Variants in PCDHA1 observed in about 807,000 individuals in gnomAD.
PCDHA1 encodes the protein protocadherin alpha 1.
A neutral mutation model predicts 61.3 loss-of-function variants in PCDHA1; 42 were observed. The ratio of observed to expected loss-of-function variants is 0.69; its 90% CI spans 0.54 to 0.89. PCDHA1 has a LOEUF of 0.89. PCDHA1 is among the 40% of genes least tolerant of loss of function. The pLI is 0.00. For synonymous variants in PCDHA1, 610 were observed against 553.8 expected, an observed-to-expected ratio of 1.10 and a Z score of -1.43; for missense variants, 1,256 against 1,235.3, an observed-to-expected ratio of 1.02 and a Z score of -0.25.
intron 1 of PCDHA1, chr5:140,863,340 G>T: frequency 7.4e-7 from 1 of 1,360,462 alleles, no homozygotes. Flanking sequence ...TCACGTTGCT[G>T]CTGTACACGA....
Position 140,835,629 on chromosome 5 carries a change from G to GA in PCDHA1, c.2394+46946dup, listed in dbSNP as rs2150239945. The GA allele has an allele frequency of 2.5e-6, 4 of 1,613,910 alleles. No homozygotes were observed. The East Asian group carries it at 6.7e-5, about 27-fold the overall frequency. ...GGTGCTGGACAGCGCTCTGGACCGC[G>GA]AGAGTGTGTCCGCCTATGAGCTGGT... is the stretch of plus-strand genomic sequence containing the variant. On this transcript the variant is annotated intron_variant, in intron 1 of 3. Transcript: ENST00000504120.
intron 3 of PCDHA1, 42 bp from the exon 4 acceptor site, chr5:141,009,585 T>C: frequency 6.3e-7 from 1 of 1,592,908 alleles, no homozygotes; most frequent in Non-Finnish European, 8.6e-7. Flanking sequence ...ATCAAGAGCA[T>C]GTGTTGACCC....
At chr5:140,870,929 A>C in intron 1 of PCDHA1, 3 of 1,613,868 alleles carry the variant, frequency 1.9e-6, no homozygotes, top group Non-Finnish European at 2.5e-6. Context: ...CTTTCATATG[A>C]ATTGCAGCCG....
intron 1 of PCDHA1, among the ~76,000 whole-genome samples, chr5:140,918,655 T>C (rs1248144760): frequency 6.6e-6 from 1 of 152,218 alleles, no homozygotes; most frequent in Non-Finnish European, 1.5e-5. Context: ...CTAATTCTCA[T>C]GTTGATGGTA....
At chr5:140,850,501 T>C (rs2150486644) in intron 1 of PCDHA1, 1 of 1,598,068 alleles carries the variant, frequency 6.3e-7, no homozygotes, top group African/African-American at 1.3e-5. Context: ...CTGGTGTCGC[T>C]GGTGGAGAGC....
rs373059383 is a variant in PCDHA1 at position 140,788,673 on chromosome 5, C to T, written c.2383C>T (p.Leu795Phe). 234 of 1,564,312 alleles carry T rather than the reference C, an allele frequency of 1.5e-4. 1 individual carries two copies. In the East Asian group the frequency reaches 4.1e-3, roughly 28 times the overall value. The change falls in exon 1 of 4, where the codon CTT becomes TTT. Residue 795 changes from leucine (L) to phenylalanine (F), a missense_variant. Leu to Phe is a conservative substitution (Grantham distance 22). Transcript: ENST00000504120. Reference protein sequence around the residue: ...RNEQPEANLDLSGNPRQPNPD... With the variant: ...RNEQPEANLDFSGNPRQPNPD... The stretch of plus-strand genomic sequence containing the variant: ...TGAACAACCAGAAGCAAATTTGGAT[C>T]TTTCTGGTAATGTAAGTCCAACTTT...
chr5:140,898,995 T>C (rs1176186680), intron 1 of PCDHA1, among the ~76,000 whole-genome samples: 4 of 151,956 alleles, frequency 2.6e-5, no homozygotes, highest in Non-Finnish European at 5.9e-5. Flanking sequence ...TCTGTTTGTC[T>C]GTTATTGGTG....
chr5:140,807,029 A>T, intron 1 of PCDHA1: 1 of 882,882 alleles, frequency 1.1e-6, no homozygotes, highest in African/African-American at 1.7e-5. Flanking sequence ...GAGAAGGAGG[A>T]AGAAGGGAAA....
At chr5:140,859,972 C>A (rs949834053) in intron 1 of PCDHA1, 1 of 151,842 alleles carries the variant, frequency 6.6e-6, no homozygotes, top group South Asian at 2.1e-4. Flanking sequence ...CTCAGGTATA[C>A]AAGTGCATTA....
rs1761470039 is a variant in PCDHA1, at chr5:140,788,479, G to T, written c.2189G>T (p.Gly730Val). The change falls in exon 1 of 4, where the codon GGT becomes GTT. Residue 730 changes from glycine to valine, a missense_variant. By Grantham distance (109) the Gly-to-Val change is moderately radical. Coordinates refer to ENST00000504120, the MANE Select transcript of PCDHA1 (RefSeq NM_018900.4). ...ALRCSVPPTE[G>V]AYVPGKPTLV... is the part of the protein sequence containing the mutation. ...CGGTGCTCAGTGCCGCCCACTGAGGGTGCGTATGTGCCGGGCAAGCCCACT... is the reference window on the plus strand; with the variant it reads ...CGGTGCTCAGTGCCGCCCACTGAGGTTGCGTATGTGCCGGGCAAGCCCACT... 6.2e-7 allele frequency: 1 copy of T among 1,614,116 alleles called. No homozygotes were observed. The highest frequency in any genetic ancestry group is 8.5e-7 in the Non-Finnish European group (1 of 1,179,994).
At chr5:140,966,792 C>T (rs1182470326) in intron 1 of PCDHA1, 4 of 1,530,564 alleles carry the variant, frequency 2.6e-6, no homozygotes, top group Non-Finnish European at 2.6e-6. Context: ...ACCAGACCTG[C>T]GGCGACAGAG....
At chr5:140,886,253 T>G (rs2060912572) in intron 1 of PCDHA1, among the ~76,000 whole-genome samples, 1 of 152,034 alleles carries the variant, frequency 6.6e-6, no homozygotes, top group African/African-American at 2.4e-5. Context: ...TAAAAGTATC[T>G]CTATTTATAG....
chr5:140,802,508 C>T, intron 1 of PCDHA1: 1 of 1,614,184 alleles, frequency 6.2e-7, no homozygotes, highest in Non-Finnish European at 8.5e-7. Flanking sequence ...CACTGTGGGC[C>T]ACGGCCAGCG....
chr5:140,856,780 G>C (rs1015178435), intron 1 of PCDHA1: 1 of 1,596,106 alleles, frequency 6.3e-7, no homozygotes, highest in Non-Finnish European at 8.6e-7. Flanking sequence ...TTGACAGACC[G>C]GTTTATGAAG....
intron 1 of PCDHA1, among the ~76,000 whole-genome samples, chr5:140,958,710 A>G (rs1446140877): frequency 1.3e-5 from 2 of 152,210 alleles, no homozygotes; most frequent in Non-Finnish European, 2.9e-5. Flanking sequence ...CAACTCTGTT[A>G]TAATAAATGT....
At chr5:140,980,713 C>T (rs1034858406) in intron 2 of PCDHA1, among the ~76,000 whole-genome samples, 2 of 151,366 alleles carry the variant, frequency 1.3e-5, no homozygotes, top group Non-Finnish European at 2.9e-5. Flanking sequence ...TGCTCCTATT[C>T]GGGTTTCAAT....
At chr5:140,821,649 T>C (rs1477425486) in intron 1 of PCDHA1, 10 of 1,085,948 alleles carry the variant, frequency 9.2e-6, no homozygotes, top group Non-Finnish European at 1.3e-5. Context: ...GAACCTTCCA[T>C]TTTTGGCTGT....
chr5:140,918,925 T>C (rs2078925990), intron 1 of PCDHA1, among the ~76,000 whole-genome samples: 1 of 152,238 alleles, frequency 6.6e-6, no homozygotes, highest in Non-Finnish European at 1.5e-5. Context: ...ACACAGCATA[T>C]GGCATTTTGT....
intron 1 of PCDHA1, among the ~76,000 whole-genome samples, chr5:140,953,493 A>G (rs959606912): frequency 8.5e-5 from 13 of 152,108 alleles, no homozygotes; most frequent in Non-Finnish European, 1.5e-5. Flanking sequence ...CACAACCTTG[A>G]TCAGCTATTA....
Sources: allele counts gnomAD v4.1 joint callset (sites outside exome capture counted in the v4.1 genomes callset), GRCh38; gene constraint gnomAD v4.1.1; transcripts MANE v1.5; gene names NCBI Gene and HGNC (gene_info 2026-07-23, HGNC 2026-07-21).